The following P2RX5 variants were observed in gnomAD, a reference collection of about 807,000 sequenced individuals.
The protein encoded by P2RX5 is purinergic receptor P2X 5, also known as P2X purinoceptor 5.
A neutral mutation model predicts 54.1 loss-of-function variants in P2RX5; 46 were observed. That is an observed-to-expected ratio of 0.85 (90% CI 0.67 to 1.09). The LOEUF (loss-of-function observed/expected upper bound fraction) is 1.09. Ranked by LOEUF, P2RX5 falls within the 50% of genes least tolerant of loss-of-function variation. P2RX5 has a pLI of 0.00. For missense variants in P2RX5, 566 were observed against 549.8 expected (o/e 1.03, Z -0.29); for synonymous variants, 226 against 226.4 (o/e 1.00, Z 0.02).
chr17:3,698,416 T>C (rs2050795176), upstream of P2RX5, among the ~76,000 whole-genome samples: 1 of 152,000 alleles, frequency 6.6e-6, no homozygotes, highest in Non-Finnish European at 1.5e-5. Context: ...GAGTTCCAGG[T>C]TTTGTTCCAG....
chr17:3,689,445 G>A (rs1254177000), intron 7 of P2RX5, 47 bp downstream of exon 7: 2 of 1,609,742 alleles, frequency 1.2e-6, no homozygotes, highest in Non-Finnish European at 1.7e-6. Flanking sequence ...GCCAGGCCCA[G>A]TGCCCCCAGG....
intron 3 of P2RX5, 114 bp downstream of exon 3, chr17:3,690,842 C>G: frequency 8.6e-7 from 1 of 1,157,912 alleles, no homozygotes; most frequent in Middle Eastern, 2.3e-4. Context: ...CGGGTGCACA[C>G]AGCCACCCGA....
the P2RX5 span, chr17:3,722,480 A>T: frequency 6.4e-5 from 7 of 109,788 alleles, no homozygotes; most frequent in South Asian, 9.4e-4. Flanking sequence ...GACTCCATCT[A>T]AAAAAAAAAA....
the P2RX5 span, among the ~76,000 whole-genome samples, chr17:3,701,707 A>AAAAT: frequency 5.7e-5 from 8 of 139,992 alleles, no homozygotes; most frequent in South Asian, 1.1e-3. Context: ...AAAAAAAAAA[A>AAAAT]AAAAAAAAAA....
At chr17:3,708,196 C>G in the P2RX5 span, among the ~76,000 whole-genome samples, 1 of 152,010 alleles carries the variant, frequency 6.6e-6, no homozygotes, top group African/African-American at 2.4e-5. Flanking sequence ...GACTGTTTTT[C>G]AGACAGACCA....
At chr17:3,720,535 A>G in the P2RX5 span, 1 of 562,152 alleles carries the variant, frequency 1.8e-6, no homozygotes, top group Non-Finnish European at 3.2e-6. Flanking sequence ...CGTACACAAC[A>G]CTACATAAAG....
chr17:3,713,429 A>G, the P2RX5 span, among the ~76,000 whole-genome samples: 3 of 152,226 alleles, frequency 2.0e-5, no homozygotes, highest in South Asian at 2.1e-4. Context: ...GAAGAAAATT[A>G]TAAAACCTTG....
chr17:3,673,741 G>A lies in P2RX5; in HGVS notation c.*127C>T. 1.2e-6 allele frequency: 2 copies of A among 1,606,866 alleles called. No homozygotes were observed. The highest frequency in any genetic ancestry group is 1.7e-6 in the Non-Finnish European group (2 of 1,177,454). ...CTCTGTGATGGCTGGTCCCTGTGAT[G>A]TGGCATTGATAGCACCCAATGTACA... On this transcript the variant is annotated 3_prime_UTR_variant, in exon 12 of 12. Transcript: ENST00000225328.
intron 10 of P2RX5, among the ~76,000 whole-genome samples, chr17:3,681,597 A>G (rs1396640172): frequency 6.6e-6 from 1 of 151,862 alleles, no homozygotes; most frequent in Non-Finnish European, 1.5e-5. Flanking sequence ...TGGTAAACCA[A>G]CTCTCTCATC....
At chr17:3,696,933 G>A (rs1013850127), upstream of P2RX5, among the ~76,000 whole-genome samples, 1 of 152,158 alleles carries the variant, frequency 6.6e-6, no homozygotes, top group South Asian at 2.1e-4. Flanking sequence ...GGTGGTTGTG[G>A]GGGGGAAGCC....
At chr17:3,710,746 G>T in the P2RX5 span, among the ~76,000 whole-genome samples, 1 of 151,746 alleles carries the variant, frequency 6.6e-6, no homozygotes, top group South Asian at 2.1e-4. Flanking sequence ...TGGCCGACAT[G>T]GTGAAACCCC....
At position 3,691,691 on chromosome 17, in the gene P2RX5, G is replaced by T. The variant is rs1396288159; in HGVS notation, c.241C>A (p.Leu81Ile). ...KGVAFTNTSD[L>I]GQRIWDVADY... Reference sequence around the variant, plus strand: ...GCGACATCCCAGATCCGCTGCCCAAGATCCGAGGTGTTGGTGAAGGCCACG... The same window carrying T: ...GCGACATCCCAGATCCGCTGCCCAATATCCGAGGTGTTGGTGAAGGCCACG... The change falls in exon 2 of 12, where the codon CTT becomes ATT. Residue 81 changes from leucine to isoleucine, a missense_variant. By Grantham distance (5) the Leu-to-Ile change is conservative. Coordinates refer to ENST00000225328, the MANE Select transcript of P2RX5 (RefSeq NM_002561.4). The T allele has an allele frequency of 6.2e-7, 1 of 1,614,232 alleles. No individual in the cohort carries two copies. Among genetic ancestry groups the T allele is most frequent in the Middle Eastern group, 1.6e-4 (1 of 6,062 alleles).
At chr17:3,696,471 T>G (rs2050761311), upstream of P2RX5, 1 of 152,324 alleles carries the variant, frequency 6.6e-6, no homozygotes, top group Admixed American at 6.5e-5. Context: ...TCATTTATTT[T>G]TGAGACGGAG....
chr17:3,688,656 G>A lies in P2RX5; in HGVS notation c.857C>T (p.Ser286Leu). 6.2e-7 allele frequency: 1 copy of A among 1,614,108 alleles called. No homozygotes were observed. The highest frequency in any genetic ancestry group is 1.1e-5 in the South Asian group (1 of 91,090). The change falls in exon 8 of 12, where the codon TCA becomes TTA. Residue 286 changes from serine (S) to leucine (L), a missense_variant. By Grantham distance (145) the Ser-to-Leu change is moderately radical. Transcript: ENST00000225328. The part of the protein sequence containing the change: ...YSFSRLDNKL[S>L]KSVSSGYNFR... The stretch of plus-strand genomic sequence containing the variant: ...GTTGTACCCGGAGGAGACAGACTTT[G>A]AAAGTTTATTGTCCAGACGGCTAAA...
At position 3,690,690 on chromosome 17, in the gene P2RX5, G is replaced by C. The variant is rs371892150; in HGVS notation, c.361-10C>G. ...CAGGAATGCCTTCATTCTGCCAGGAGAGAAGGGGCACCTGGATGGGGGGGT... is the reference window on the plus strand; with the variant it reads ...CAGGAATGCCTTCATTCTGCCAGGACAGAAGGGGCACCTGGATGGGGGGGT... On this transcript the variant is annotated splice_polypyrimidine_tract_variant and intron_variant, in intron 3 of 11. Transcript: ENST00000225328. 7.4e-6 allele frequency: 12 copies of C among 1,612,634 alleles called. No individual in the cohort carries two copies. The highest frequency in any genetic ancestry group is 1.0e-5 in the Non-Finnish European group (12 of 1,179,830).
chr17:3,676,502 C>T (rs1004075199), intron 11 of P2RX5: 2 of 985,140 alleles, frequency 2.0e-6, no homozygotes, highest in South Asian at 9.4e-5. Flanking sequence ...AATATTGTAA[C>T]TTAAATCAGC....
Position 3,677,201 on chromosome 17 carries a change from G to A in P2RX5, c.1259+2389C>T, listed in dbSNP as rs376289099. On this transcript the variant is annotated intron_variant, in intron 11 of 11. Coordinates refer to ENST00000225328, the MANE Select transcript of P2RX5 (RefSeq NM_002561.4). ...AATGAGGGCCTCCCTAACTCAGCCC[G>A]TTTACACCTGCTGAGTGGCGCCATC... 7.1e-4 allele frequency: 701 copies of A among 985,380 alleles called. 12 individuals carry two copies. In the South Asian group the frequency reaches 0.029, roughly 40 times the overall value. The allele number at this position is 985,380 out of a possible 1,614,324, so 61.0% of individuals were successfully genotyped here.
the P2RX5 span, among the ~76,000 whole-genome samples, chr17:3,715,516 G>A: frequency 2.0e-5 from 3 of 152,248 alleles, no homozygotes; most frequent in Middle Eastern, 3.4e-3. Flanking sequence ...AGCAGCCTAC[G>A]CGTACGCAGA....
upstream of P2RX5, among the ~76,000 whole-genome samples, chr17:3,698,939 C>G (rs2050797297): frequency 6.6e-6 from 1 of 152,096 alleles, no homozygotes; most frequent in Non-Finnish European, 1.5e-5. Flanking sequence ...GGCACAGGCG[C>G]TCATGCCTGT....
Sources: allele counts gnomAD v4.1 joint callset (sites outside exome capture counted in the v4.1 genomes callset), GRCh38; gene constraint gnomAD v4.1.1; transcripts MANE v1.5; gene names NCBI Gene and HGNC (gene_info 2026-07-23, HGNC 2026-07-21).